GPC5: variants seen among roughly 807,000 people sequenced by gnomAD.
GPC5 encodes glypican 5.
In GPC5, 47 loss-of-function variants were observed where a neutral mutation model predicts 53.9. The ratio of observed to expected loss-of-function variants is 0.87; its 90% CI spans 0.69 to 1.11. The LOEUF is 1.11. Ranked by LOEUF, GPC5 falls within the 50% of genes most tolerant of loss-of-function variation. The probability of loss-of-function intolerance (pLI) is 0.00; values close to 1 mark genes in which losing one functional copy is unlikely to be tolerated. For synonymous variants in GPC5, 286 were observed against 263.3 expected (o/e 1.09, Z -0.84); for missense variants, 748 against 713.1 (o/e 1.05, Z -0.56).
intron 2 of GPC5, among the ~76,000 whole-genome samples, chr13:91,659,924 T>C (rs562459365): frequency 5.1e-4 from 78 of 152,300 alleles, no homozygotes; most frequent in African/African-American, 1.8e-3. Context: ...TATTCAGAGC[T>C]TGCTACAGCA....
chr13:91,488,470 C>T (rs971860013), intron 2 of GPC5, among the ~76,000 whole-genome samples: 3 of 152,112 alleles, frequency 2.0e-5, no homozygotes, highest in South Asian at 2.1e-4. Flanking sequence ...GGCAGAAGAA[C>T]GTAAATTGTG....
At chr13:92,157,925 G>T (rs2041957225) in intron 7 of GPC5, among the ~76,000 whole-genome samples, 1 of 151,980 alleles carries the variant, frequency 6.6e-6, no homozygotes. Flanking sequence ...AGTCTAGAAA[G>T]GGAAATAGGT....
At chr13:92,756,970 G>T (rs149927838) in intron 7 of GPC5, among the ~76,000 whole-genome samples, 2 of 151,128 alleles carry the variant, frequency 1.3e-5, no homozygotes, top group South Asian at 2.1e-4. Flanking sequence ...TCACAGAATT[G>T]GAAAAAACTA....
intron 7 of GPC5, among the ~76,000 whole-genome samples, chr13:92,310,944 T>A (rs937393895): frequency 6.6e-6 from 1 of 152,190 alleles, no homozygotes; most frequent in African/African-American, 2.4e-5. Flanking sequence ...GTTATTCAAG[T>A]TGAATGTATC....
chr13:91,653,322 A>G (rs1033974952), intron 2 of GPC5, among the ~76,000 whole-genome samples: 2 of 152,154 alleles, frequency 1.3e-5, no homozygotes, highest in African/African-American at 4.8e-5. Flanking sequence ...ATTTCCATCA[A>G]CAAACAATTG....
At chr13:91,632,004 AGAAGCACTAGCTAGAAATAGT>A (rs1478227659) in intron 2 of GPC5, among the ~76,000 whole-genome samples, 7 of 152,142 alleles carry the variant, frequency 4.6e-5, no homozygotes, top group African/African-American at 1.4e-4. Context: ...TTACTGTATC[AGAAGCACTAGCTAGAAATAGT>A]AAAGTCTAGG....
rs565053898 is a variant in GPC5, at chr13:92,767,406, G to T, written c.1562-98876G>T. Among the ~76,000 whole-genome samples the T allele has an allele frequency of 3.3e-5, 5 of 152,286 alleles. No individual in the cohort carries two copies. The South Asian group carries it at 6.2e-4, about 19-fold the overall frequency. On this transcript the variant is annotated intron_variant, in intron 7 of 7. Coordinates refer to ENST00000377067, the MANE Select transcript of GPC5 (RefSeq NM_004466.6). ...GAATCACTCGAACCTGGGAGGCAGAGGTTGCAGTGAGCCGGGATCGCGCCA... is the reference window on the plus strand; with the variant it reads ...GAATCACTCGAACCTGGGAGGCAGATGTTGCAGTGAGCCGGGATCGCGCCA...
rs540593134 is a variant in GPC5 at position 92,183,699 on chromosome 13, T to C, written c.1561+38710T>C. 4.6e-5 allele frequency among the ~76,000 whole-genome samples: 7 copies of C among 152,164 alleles called. No homozygotes were observed. In the South Asian group the frequency reaches 1.4e-3, roughly 32 times the overall value. On this transcript the variant is annotated intron_variant, in intron 7 of 7. Transcript: ENST00000377067. The stretch of plus-strand genomic sequence containing the variant: ...TATTTATAATAGTAATTCTGTCAAA[T>C]GTAAATATGGTATATTTCTCAACTT...
chr13:92,843,008 G>A (rs1214952866), intron 7 of GPC5, among the ~76,000 whole-genome samples: 1 of 152,136 alleles, frequency 6.6e-6, no homozygotes, highest in East Asian at 1.9e-4. Flanking sequence ...TATTTTTTGA[G>A]CAGTGACCAT....
intron 7 of GPC5, among the ~76,000 whole-genome samples, chr13:92,491,478 A>G (rs1231246366): frequency 6.6e-6 from 1 of 152,174 alleles, no homozygotes; most frequent in Admixed American, 6.5e-5. Flanking sequence ...ATAGAAACAT[A>G]TTTGATCAAT....
chr13:91,900,843 A>G lies in GPC5; in HGVS notation c.1281-7094A>G, dbSNP rs570585581. Among the ~76,000 whole-genome samples the G allele has an allele frequency of 3.9e-3, 592 of 152,182 alleles. 1 individual carries two copies. Among genetic ancestry groups the G allele is most frequent in the Non-Finnish European group, 6.6e-3 (446 of 67,996 alleles). On this transcript the variant is annotated intron_variant, in intron 5 of 7. Transcript: ENST00000377067. ...TGTGCAGTCATTAGTTTTTCATGTG[A>G]AAATATTATCTTTCAAATTCACACA...
intron 6 of GPC5, among the ~76,000 whole-genome samples, chr13:92,124,248 G>GAAAAAAAAAAAAAAAAAAAAAAAAAAA (rs34042033): frequency 1.8e-5 from 1 of 54,984 alleles, no homozygotes; most frequent in African/African-American, 7.2e-5. Context: ...CGGACAGAAT[G>GAAAAAAAAAAAAAAAAAAAAAAAAAAA]AAAAAAAAAA....
intron 5 of GPC5, among the ~76,000 whole-genome samples, chr13:91,865,347 C>A (rs796880954): frequency 6.6e-6 from 1 of 151,880 alleles, no homozygotes; most frequent in African/African-American, 2.4e-5. Context: ...AAATGTATCT[C>A]GTGTACAAAT....
At chr13:92,041,677 A>G (rs1015503732) in intron 6 of GPC5, among the ~76,000 whole-genome samples, 1 of 152,210 alleles carries the variant, frequency 6.6e-6, no homozygotes, top group Admixed American at 6.5e-5. Flanking sequence ...AAGTAAAAGT[A>G]ATGATTACGC....
At position 91,425,457 on chromosome 13, in the gene GPC5, C is replaced by T. The variant is rs11842155; in HGVS notation, c.164-23304C>T. Among the ~76,000 whole-genome samples the T allele has an allele frequency of 3.9e-3, 590 of 152,244 alleles. 3 individuals are homozygous for T. The highest frequency in any genetic ancestry group is 0.014 in the African/African-American group (569 of 41,550). Reference sequence around the variant, plus strand: ...TCATGGGAGCAGTTTCCCCCATGCTCTTCTCATGATAGTGAGTGAATTCTC... The same window carrying T: ...TCATGGGAGCAGTTTCCCCCATGCTTTTCTCATGATAGTGAGTGAATTCTC... On this transcript the variant is annotated intron_variant, in intron 1 of 7. Transcript: ENST00000377067.
intron 2 of GPC5, among the ~76,000 whole-genome samples, chr13:91,615,933 C>T (rs1250805541): frequency 6.6e-6 from 1 of 151,964 alleles, no homozygotes; most frequent in Admixed American, 6.6e-5. Context: ...TATTTTAAGA[C>T]AGAATGGCTA....
At chr13:92,485,664 AG>A (rs1462135424) in intron 7 of GPC5, among the ~76,000 whole-genome samples, 1 of 152,170 alleles carries the variant, frequency 6.6e-6, no homozygotes, top group African/African-American at 2.4e-5. Flanking sequence ...ACCTTACAGC[AG>A]GTGGGTAAGA....
intron 2 of GPC5, among the ~76,000 whole-genome samples, chr13:91,658,382 G>A (rs985068207): frequency 7.1e-6 from 1 of 140,506 alleles, no homozygotes; most frequent in African/African-American, 3.1e-5. Context: ...TATTTTGGGG[G>A]AATTTTTTGG....
chr13:92,416,921 A>T (rs537878082), intron 7 of GPC5, among the ~76,000 whole-genome samples: 10 of 152,210 alleles, frequency 6.6e-5, no homozygotes, highest in Non-Finnish European at 1.5e-4. Flanking sequence ...ACAGATGTAA[A>T]TACAGATGTA....
Sources: gnomAD v4.1 joint callset for allele counts (sites outside exome capture counted in the v4.1 genomes callset) on GRCh38, gnomAD v4.1.1 for gene constraint, MANE v1.5 for transcripts, NCBI Gene and HGNC (gene_info 2026-07-23, HGNC 2026-07-21) for gene names.